Variants in MCTP2 observed in about 807,000 individuals in gnomAD.
MCTP2 encodes the protein multiple C2 and transmembrane domain-containing protein 2.
MCTP2 carries 132 observed loss-of-function variants against 111.6 expected under a neutral mutation model. The observed-to-expected ratio is 1.18, with a 90% confidence interval of 1.03 to 1.37. The LOEUF (loss-of-function observed/expected upper bound fraction) is 1.37. MCTP2 is among the 40% of genes most tolerant of loss of function. The pLI, the probability that MCTP2 is intolerant of heterozygous loss-of-function variation, is 0.00. For missense variants in MCTP2, 1,183 were observed against 1,067.9 expected, an observed-to-expected ratio of 1.11 and a Z score of -1.50; for synonymous variants, 395 against 387.7, an observed-to-expected ratio of 1.02 and a Z score of -0.22.
intron 2 of MCTP2, among the ~76,000 whole-genome samples, chr15:94,305,935 T>C (rs2075859263): frequency 6.6e-6 from 1 of 152,240 alleles, no homozygotes; most frequent in Non-Finnish European, 1.5e-5. Flanking sequence ...CTCCCAGTAC[T>C]TACTTTACAA....
In MCTP2 at chr15:94,356,725, C is replaced by T. The variant is rs116290260; in HGVS notation, c.1170+424C>T. Among the ~76,000 whole-genome samples the T allele has an allele frequency of 6.0e-3, 910 of 151,992 alleles. 9 individuals carry two copies. The highest frequency in any genetic ancestry group is 0.019 in the African/African-American group (798 of 41,456). ...GCTTTCTCTTGCTTGCTAGTCTTCA[C>T]GCCAAAAATAGTATCTAGTGCTGCT... On this transcript the variant is annotated intron_variant, in intron 9 of 22. Coordinates refer to ENST00000357742, the MANE Select transcript of MCTP2 (RefSeq NM_001385001.1).
rs973098593 is a variant in MCTP2 at position 94,295,432 on chromosome 15, G to A, written c.-65-2769G>A. ...ATATGGCTCCACCTAACTGTTTTAA[G>A]CATTGTACAGTATCCCACTGTGTGA... is the stretch of plus-strand genomic sequence containing the variant. On this transcript the variant is annotated intron_variant, in intron 1 of 22. Coordinates refer to ENST00000357742, the MANE Select transcript of MCTP2 (RefSeq NM_001385001.1). Among the ~76,000 whole-genome samples, 3 of 152,086 alleles carry A rather than the reference G, an allele frequency of 2.0e-5. No homozygotes were observed. In the East Asian group the frequency reaches 5.8e-4, roughly 29 times the overall value.
intron 17 of MCTP2, among the ~76,000 whole-genome samples, chr15:94,416,680 C>G (rs1055533400): frequency 6.6e-6 from 1 of 152,068 alleles, no homozygotes. Flanking sequence ...CTTTAGTGCC[C>G]TTGCTTTCAA....
chr15:94,247,285 C>T (rs2072084912), intron 1 of MCTP2, among the ~76,000 whole-genome samples: 1 of 152,100 alleles, frequency 6.6e-6, no homozygotes, highest in Non-Finnish European at 1.5e-5. Flanking sequence ...CTGGGTGCCT[C>T]ACCTGCTGCC....
At position 94,472,904 on chromosome 15, in the gene MCTP2, A is replaced by T. The variant is rs2074045669; in HGVS notation, c.2470+2462A>T. Among the ~76,000 whole-genome samples, 3 of 152,322 alleles carry T rather than the reference A, an allele frequency of 2.0e-5. No homozygotes were observed. The South Asian group carries it at 6.2e-4, about 32-fold the overall frequency. ...CTTGTATGATTGCATCCTTTGCAGC[A>T]ATTTTTTTCTCACAAAGGAGATAAA... is the stretch of plus-strand genomic sequence containing the variant. On this transcript the variant is annotated intron_variant, in intron 21 of 22. Coordinates refer to ENST00000357742, the MANE Select transcript of MCTP2 (RefSeq NM_001385001.1).
Position 94,482,230 on chromosome 15 carries a change from A to G in MCTP2, c.*3196A>G, listed in dbSNP as rs2074763790. On this transcript the variant is annotated 3_prime_UTR_variant, in exon 23 of 23. Coordinates refer to ENST00000357742, the MANE Select transcript of MCTP2 (RefSeq NM_001385001.1). The stretch of plus-strand genomic sequence containing the variant: ...CCATGCTCAGATTTAAGTTTGAAAA[A>G]TATTCTAGCTGCAATGGATAGCCTA... 6.6e-6 allele frequency: 1 copy of G among 152,252 alleles called. No homozygotes were observed. The highest frequency in any genetic ancestry group is 1.5e-5 in the Non-Finnish European group (1 of 68,044). 9.4% of individuals were successfully genotyped at this position (152,252 alleles called of 1,614,324 possible).
At position 94,314,269 on chromosome 15, in the gene MCTP2, T is replaced by G; in HGVS notation, c.466-13T>G. ...CTTTTGTAAAGCAGATTTTTTTTTC[T>G]TTTTCTTTGCAGAAGCTATGTGGAA... is the stretch of plus-strand genomic sequence containing the variant. On this transcript the variant is annotated splice_polypyrimidine_tract_variant and intron_variant, in intron 2 of 22. Coordinates refer to ENST00000357742, the MANE Select transcript of MCTP2 (RefSeq NM_001385001.1). The G allele has an allele frequency of 6.3e-7, 1 of 1,597,884 alleles. No individual in the cohort carries two copies. Among genetic ancestry groups the G allele is most frequent in the Non-Finnish European group, 8.5e-7 (1 of 1,171,580 alleles).
intron 12 of MCTP2, among the ~76,000 whole-genome samples, chr15:94,374,975 A>G (rs2079683466): frequency 6.6e-6 from 1 of 152,192 alleles, no homozygotes; most frequent in Non-Finnish European, 1.5e-5. Context: ...ATCCGTTTTC[A>G]CATTGCCATA....
intron 1 of MCTP2, among the ~76,000 whole-genome samples, chr15:94,296,341 T>C (rs1041382823): frequency 6.6e-6 from 1 of 152,246 alleles, no homozygotes; most frequent in Non-Finnish European, 1.5e-5. Context: ...AGTTGTAAAC[T>C]ATTTTAAACA....
At chr15:94,439,793 T>A (rs1239167707) in intron 17 of MCTP2, among the ~76,000 whole-genome samples, 1 of 152,244 alleles carries the variant, frequency 6.6e-6, no homozygotes, top group Non-Finnish European at 1.5e-5. Flanking sequence ...TTTTCAATAT[T>A]GGCAGCCAAC....
intron 22 of MCTP2, among the ~76,000 whole-genome samples, chr15:94,478,113 C>T (rs1455898730): frequency 6.6e-6 from 1 of 152,162 alleles, no homozygotes; most frequent in Non-Finnish European, 1.5e-5. Flanking sequence ...GCCATTCCAC[C>T]AGCAGCCTAT....
chr15:94,350,830 GAA>G (rs1456695550), intron 8 of MCTP2, among the ~76,000 whole-genome samples: 3 of 152,006 alleles, frequency 2.0e-5, no homozygotes, highest in Non-Finnish European at 4.4e-5. Flanking sequence ...AGGGCAAAAA[GAA>G]AATCTTGTTG....
At chr15:94,431,699 T>C (rs1031221836) in intron 17 of MCTP2, among the ~76,000 whole-genome samples, 1 of 152,066 alleles carries the variant, frequency 6.6e-6, no homozygotes, top group East Asian at 1.9e-4. Flanking sequence ...TAACCCTGGA[T>C]TTTTTTTGAA....
chr15:94,435,598 C>A (rs1596700435), intron 17 of MCTP2, among the ~76,000 whole-genome samples: 1 of 147,904 alleles, frequency 6.8e-6, no homozygotes, highest in Non-Finnish European at 1.5e-5. Flanking sequence ...AAAATCATGT[C>A]ATCTGCTAAA....
At chr15:94,329,600 A>G (rs1226643756) in intron 4 of MCTP2, among the ~76,000 whole-genome samples, 1 of 152,186 alleles carries the variant, frequency 6.6e-6, no homozygotes, top group Non-Finnish European at 1.5e-5. Flanking sequence ...TCATGAAGAC[A>G]GTACCAACAG....
chr15:94,246,397 A>T (rs906861284), intron 1 of MCTP2, among the ~76,000 whole-genome samples: 3 of 152,128 alleles, frequency 2.0e-5, no homozygotes, highest in African/African-American at 7.2e-5. Context: ...AGTTATGAGG[A>T]TTATAGGATA....
chr15:94,240,066 GTT>G (rs57636814), intron 1 of MCTP2, among the ~76,000 whole-genome samples: 7 of 150,338 alleles, frequency 4.7e-5, no homozygotes, highest in African/African-American at 9.8e-5. Context: ...TTCATTGGTA[GTT>G]TTTTTTTTGT....
At chr15:94,265,075 G>A (rs1381828763) in intron 1 of MCTP2, among the ~76,000 whole-genome samples, 1 of 152,058 alleles carries the variant, frequency 6.6e-6, no homozygotes, top group Admixed American at 6.5e-5. Flanking sequence ...ATATGTTTGT[G>A]TATACATGTG....
At position 94,245,610 on chromosome 15, in the gene MCTP2, A is replaced by G. The variant is rs138059579; in HGVS notation, c.-66+13946A>G. Among the ~76,000 whole-genome samples the G allele has an allele frequency of 3.0e-3, 437 of 145,316 alleles. 4 individuals carry two copies. The highest frequency in any genetic ancestry group is 9.3e-3 in the African/African-American group (370 of 39,920). On this transcript the variant is annotated intron_variant, in intron 1 of 22. Transcript: ENST00000357742. ...TACATATACGTATATAGACATATACATATGTACATGTATATATACATATAC... is the reference window on the plus strand; with the variant it reads ...TACATATACGTATATAGACATATACGTATGTACATGTATATATACATATAC...
Sources: gnomAD v4.1 joint callset for allele counts (sites outside exome capture counted in the v4.1 genomes callset) on GRCh38, gnomAD v4.1.1 for gene constraint, MANE v1.5 for transcripts, NCBI Gene and HGNC (gene_info 2026-07-23, HGNC 2026-07-21) for gene names.